Variants in CASP10 observed in about 807,000 individuals in gnomAD.
CASP10 encodes caspase 10.
A neutral mutation model predicts 48.5 loss-of-function variants in CASP10; 41 were observed. That is an observed-to-expected ratio of 0.85 (90% CI 0.66 to 1.10). CASP10 has a LOEUF of 1.10. Ranked by LOEUF, CASP10 falls within the 50% of genes least tolerant of loss-of-function variation. The probability of loss-of-function intolerance (pLI) is 0.00; values close to 1 mark genes in which losing one functional copy is unlikely to be tolerated. For synonymous variants in CASP10, 232 were observed against 238.4 expected (o/e 0.97, Z 0.25); for missense variants, 614 against 614.5 (o/e 1.00, Z 0.01).
rs772411929 is a variant in CASP10, at chr2:201,185,874, G to T, written c.97G>T (p.Val33Phe). The part of the protein sequence containing the change: ...KLLIIDSNLG[V>F]QDVENLKFLC... ...TCTGATTATTGATTCAAACCTGGGGGTCCAAGATGTGGAGAACCTCAAGTT... is the reference window on the plus strand; with the variant it reads ...TCTGATTATTGATTCAAACCTGGGGTTCCAAGATGTGGAGAACCTCAAGTT... Residue 33 changes from valine to phenylalanine, a missense_variant, in exon 2 of 10, where the codon GTC (valine) becomes TTC (phenylalanine). By Grantham distance (50) the Val-to-Phe change is conservative. Coordinates refer to ENST00000286186, the MANE Select transcript of CASP10 (RefSeq NM_032977.4). 1.2e-6 allele frequency: 2 copies of T among 1,614,030 alleles called. No individual in the cohort carries two copies. Among genetic ancestry groups the T allele is most frequent in the South Asian group, 2.2e-5 (2 of 91,074 alleles).
downstream of CASP10, among the ~76,000 whole-genome samples, chr2:201,226,633 G>C (rs1945790938): frequency 6.6e-6 from 1 of 151,788 alleles, no homozygotes; most frequent in Non-Finnish European, 1.5e-5. Flanking sequence ...TCTTGCACAG[G>C]TACCAGGAGA....
At chr2:201,209,701 T>G in intron 9 of CASP10, 139 bp downstream of exon 9, 1 of 810,938 alleles carries the variant, frequency 1.2e-6, no homozygotes, top group Non-Finnish European at 1.9e-6. Flanking sequence ...CTGCCTACCC[T>G]CCTGTTTATC....
At chr2:201,205,168 C>T (rs1229175528) in intron 6 of CASP10, among the ~76,000 whole-genome samples, 1 of 152,052 alleles carries the variant, frequency 6.6e-6, no homozygotes, top group African/African-American at 2.4e-5. Context: ...GCAGTGTGAT[C>T]CTCAGTCGAT....
intron 9 of CASP10, among the ~76,000 whole-genome samples, chr2:201,215,310 T>G (rs1945538423): frequency 6.6e-6 from 1 of 151,348 alleles, no homozygotes. Flanking sequence ...GCTTTTGAAG[T>G]CTTGTTTTAA....
At chr2:201,196,039 G>A (rs1008533963) in intron 5 of CASP10, 91 bp downstream of exon 5, 10 of 843,950 alleles carry the variant, frequency 1.2e-5, no homozygotes, top group Non-Finnish European at 2.0e-5. Context: ...AAAAGAGAGA[G>A]AGGCCCCGGT....
exon 10 of CASP10, chr2:201,229,055 C>G: frequency 1.2e-6 from 2 of 1,614,196 alleles, no homozygotes; most frequent in Non-Finnish European, 1.7e-6. Flanking sequence ...CCTCGACCCC[C>G]CATGCGCAGG....
downstream of CASP10, among the ~76,000 whole-genome samples, chr2:201,223,327 C>A (rs1576155532): frequency 6.6e-6 from 1 of 152,192 alleles, no homozygotes; most frequent in African/African-American, 2.4e-5. Flanking sequence ...CTCTGCTGAA[C>A]CCTTCTAGCA....
At chr2:201,194,811 CTCTGT>C in intron 4 of CASP10, among the ~76,000 whole-genome samples, 1 of 152,280 alleles carries the variant, frequency 6.6e-6, no homozygotes, top group African/African-American at 2.4e-5. Context: ...TGGAGTCTCG[CTCTGT>C]TGCCCAGGCT....
Position 201,220,290 on chromosome 2 carries a change from G to T in CASP10, c.*2549G>T. ...AGCGAGCAGCCAGAAAGAGAAGAGAGTAAAATACAGATAAGACAGCTCTGG... is the reference window on the plus strand; with the variant it reads ...AGCGAGCAGCCAGAAAGAGAAGAGATTAAAATACAGATAAGACAGCTCTGG... On this transcript the variant is annotated 3_prime_UTR_variant, in exon 10 of 10. Coordinates refer to ENST00000286186, the MANE Select transcript of CASP10 (RefSeq NM_032977.4). 8.5e-5 allele frequency: 20 copies of T among 236,546 alleles called. No individual in the cohort carries two copies. Among genetic ancestry groups the T allele is most frequent in the South Asian group, 1.7e-4 (1 of 5,758 alleles). The allele number at this position is 236,546 out of a possible 1,614,324, so 14.7% of individuals were successfully genotyped here.
chr2:201,186,242 T>C lies in CASP10; in HGVS notation c.347+118T>C. ...TTTGGTTATCTACCTCCTTGGATGA[T>C]AAACCAGGAGATTCTAAACCTCCTT... On this transcript the variant is annotated intron_variant, in intron 2 of 9. Transcript: ENST00000286186. 7.9e-6 allele frequency: 6 copies of C among 760,076 alleles called. No individual in the cohort carries two copies. The South Asian group carries it at 8.9e-5, about 11-fold the overall frequency. 47.1% of individuals were successfully genotyped at this position (760,076 alleles called of 1,614,324 possible). A position where few individuals can be genotyped will look rare whatever the true frequency, so the allele number is the denominator to read the frequency against.
intron 9 of CASP10, among the ~76,000 whole-genome samples, chr2:201,209,785 G>GTCCA (rs1379989442): frequency 2.0e-5 from 3 of 151,548 alleles, no homozygotes; most frequent in African/African-American, 4.9e-5. Context: ...CCATCCATCT[G>GTCCA]TCCATCCATC....
At position 201,195,823 on chromosome 2, in the gene CASP10, T is replaced by A. The variant is rs1233500725; in HGVS notation, c.578-19T>A. On this transcript the variant is annotated intron_variant, in intron 4 of 9. Transcript: ENST00000286186. Reference sequence around the variant, plus strand: ...TCAGAAGGTGATTTTTATTTTTCTGTCTGTGATTTTATTTTCAGCTATCCA... The same window carrying A: ...TCAGAAGGTGATTTTTATTTTTCTGACTGTGATTTTATTTTCAGCTATCCA... The A allele has an allele frequency of 6.3e-7, 1 of 1,576,232 alleles. No homozygotes were observed. Among genetic ancestry groups the A allele is most frequent in the Admixed American group, 1.7e-5 (1 of 59,946 alleles).
intron 1 of CASP10, 47 bp downstream of exon 1, chr2:201,183,355 CTT>C (rs1944296399): frequency 6.6e-6 from 1 of 152,182 alleles, no homozygotes; most frequent in Non-Finnish European, 1.5e-5. Flanking sequence ...ATGCTTGAAT[CTT>C]TTCCTTTGCT....
chr2:201,187,792 C>G lies in CASP10; in HGVS notation c.434C>G (p.Thr145Ser). 6.2e-7 allele frequency: 1 copy of G among 1,612,476 alleles called. No homozygotes were observed. The highest frequency in any genetic ancestry group is 8.5e-7 in the Non-Finnish European group (1 of 1,178,522). ...CTTCTGAAAGACTCGCTTCCCAAAA[C>G]TGAAATGGTGAGTGGGTCATACAGA... ...IFLLKDSLPK[T>S]EMTSLSFLAF... The change falls in exon 3 of 10, where the codon ACT becomes AGT. Residue 145 changes from threonine to serine, a missense_variant. Transcript: ENST00000286186.
At chr2:201,225,229 G>A (rs182266506), downstream of CASP10, among the ~76,000 whole-genome samples, 1 of 152,230 alleles carries the variant, frequency 6.6e-6, no homozygotes, top group East Asian at 1.9e-4. Context: ...ATTCAGCTTA[G>A]AGTCCATGTG....
In CASP10 at chr2:201,229,178, C is replaced by T; in HGVS notation, c.*95C>T. On this transcript the variant is annotated 3_prime_UTR_variant, in exon 10 of 10. Transcript: ENST00000272879. ...AGACGGAAACCTCCCTTTACAGCAC[C>T]ACCTTGCGATTCTGCAGCCACAAAG... 6 of 1,498,120 alleles carry T rather than the reference C, an allele frequency of 4.0e-6. No homozygotes were observed. In the South Asian group the frequency reaches 6.8e-5, roughly 17 times the overall value. 92.8% of individuals were successfully genotyped at this position (1,498,120 alleles called of 1,614,324 possible).
At position 201,209,464 on chromosome 2, in the gene CASP10, T is replaced by A; in HGVS notation, c.1317T>A (p.Gly439=). 6.2e-7 allele frequency: 1 copy of A among 1,614,052 alleles called. No individual in the cohort carries two copies. Among genetic ancestry groups the A allele is most frequent in the South Asian group, 1.1e-5 (1 of 91,076 alleles). ...CTGCCGAGGCTGACTTCCTACTTGG[T>A]CTGGCCACTGTCCCAGGCTATGTAT... ...SIPAEADFLL[G]LATVPGYVSF... The change falls in exon 9 of 10, where the codon GGT becomes GGA. Residue 439 remains glycine, a synonymous_variant. Coordinates refer to ENST00000286186, the MANE Select transcript of CASP10 (RefSeq NM_032977.4).
downstream of CASP10, among the ~76,000 whole-genome samples, chr2:201,226,064 C>A (rs541463194): frequency 5.9e-5 from 9 of 152,200 alleles, no homozygotes; most frequent in African/African-American, 2.2e-4. Context: ...TGTACATATA[C>A]TATATATATA....
intron 7 of CASP10, 166 bp downstream of exon 7, chr2:201,206,139 ATC>A (rs935944519): frequency 3.6e-6 from 2 of 560,918 alleles, no homozygotes; most frequent in African/African-American, 3.8e-5. Context: ...CTCTGTAATT[ATC>A]TCTGTTCTTC....
Sources: gnomAD v4.1 joint callset for allele counts (sites outside exome capture counted in the v4.1 genomes callset) on GRCh38, gnomAD v4.1.1 for gene constraint, MANE v1.5 for transcripts, NCBI Gene and HGNC (gene_info 2026-07-23, HGNC 2026-07-21) for gene names.